LSAMP: variants seen among roughly 807,000 people sequenced by gnomAD.
LSAMP encodes limbic system associated membrane protein.
A neutral mutation model predicts 38.6 loss-of-function variants in LSAMP; 7 were observed. The observed-to-expected ratio is 0.18, with a 90% confidence interval of 0.10 to 0.34. The LOEUF (loss-of-function observed/expected upper bound fraction) is 0.34, where lower values mean the gene tolerates loss of function less well. LSAMP is among the 10% of genes least tolerant of loss of function. LSAMP has a pLI of 1.00. For synonymous variants in LSAMP, 154 were observed against 166.8 expected (o/e 0.92, Z 0.59); for missense variants, 313 against 420.0 (o/e 0.75, Z 2.23).
At chr3:116,303,472 C>CT (rs542338761) in intron 1 of LSAMP, among the ~76,000 whole-genome samples, 5 of 152,150 alleles carry the variant, frequency 3.3e-5, no homozygotes, top group South Asian at 4.1e-4. Context: ...TTTTTCTATT[C>CT]TTTTTTTGGA....
chr3:116,319,671 C>G (rs1295477187), intron 1 of LSAMP, among the ~76,000 whole-genome samples: 1 of 152,166 alleles, frequency 6.6e-6, no homozygotes, highest in East Asian at 1.9e-4. Flanking sequence ...CGGCACCTCT[C>G]TAAAGGTCAG....
At chr3:116,032,533 C>A (rs1479455722) in intron 2 of LSAMP, among the ~76,000 whole-genome samples, 1 of 152,136 alleles carries the variant, frequency 6.6e-6, no homozygotes, top group Non-Finnish European at 1.5e-5. Context: ...ACTGACCAGG[C>A]ATGGTGGCTT....
chr3:116,011,829 CCTGAA>C (rs1443487443), intron 3 of LSAMP, among the ~76,000 whole-genome samples: 2 of 152,152 alleles, frequency 1.3e-5, no homozygotes, highest in Non-Finnish European at 2.9e-5. Context: ...TATTTCCTTC[CCTGAA>C]CATCTCTTGG....
rs185042505 is a variant in LSAMP at position 115,894,408 on chromosome 3, C to T, written c.515-41791G>A. Among the ~76,000 whole-genome samples the T allele has an allele frequency of 7.0e-3, 1,059 of 152,146 alleles. 15 individuals carry two copies. Among genetic ancestry groups the T allele is most frequent in the Non-Finnish European group, 7.5e-3 (509 of 67,980 alleles). ...ATGAACTGGCCCAAGACCCTCGGTA[C>T]TCTCTGGATGAAGGAATACTCTTCT... On this transcript the variant is annotated intron_variant, in intron 3 of 6. Coordinates refer to ENST00000490035, the MANE Select transcript of LSAMP (RefSeq NM_002338.5).
chr3:116,069,658 TAAATG>T (rs1244972163), intron 2 of LSAMP, among the ~76,000 whole-genome samples: 1 of 152,076 alleles, frequency 6.6e-6, no homozygotes, highest in African/African-American at 2.4e-5. Context: ...AAAGAAGAGA[TAAATG>T]GAATGGAGAT....
At chr3:116,400,826 T>C (rs2048830509) in intron 1 of LSAMP, among the ~76,000 whole-genome samples, 1 of 152,162 alleles carries the variant, frequency 6.6e-6, no homozygotes, top group Admixed American at 6.5e-5. Context: ...TGCATTTTTT[T>C]CCACATTCTA....
intron 3 of LSAMP, among the ~76,000 whole-genome samples, chr3:115,962,799 T>C (rs1230370372): frequency 6.6e-6 from 1 of 152,158 alleles, no homozygotes; most frequent in Admixed American, 6.5e-5. Flanking sequence ...GCCCTTTGGA[T>C]TTCAGCACAT....
intron 1 of LSAMP, among the ~76,000 whole-genome samples, chr3:116,277,000 C>G (rs2047063966): frequency 6.6e-6 from 1 of 152,104 alleles, no homozygotes; most frequent in South Asian, 2.1e-4. Flanking sequence ...AGCGAGTACA[C>G]ATGGAGCAGA....
At chr3:115,909,164 C>A (rs370598772) in intron 3 of LSAMP, among the ~76,000 whole-genome samples, 2 of 152,200 alleles carry the variant, frequency 1.3e-5, no homozygotes, top group Non-Finnish European at 2.9e-5. Flanking sequence ...GCTCCTCCTG[C>A]ATCCTTAGCT....
chr3:116,176,872 C>G (rs1387853703), intron 1 of LSAMP, among the ~76,000 whole-genome samples: 1 of 152,020 alleles, frequency 6.6e-6, no homozygotes, highest in South Asian at 2.1e-4. Flanking sequence ...AAAAAGCTTC[C>G]AATAATCGAA....
At chr3:116,400,436 CTCCTTCCT>C (rs1180610698) in intron 1 of LSAMP, among the ~76,000 whole-genome samples, 1 of 147,452 alleles carries the variant, frequency 6.8e-6, no homozygotes, top group Admixed American at 6.8e-5. Context: ...CCCTCCCTCC[CTCCTTCCT>C]TCCTTCCTTC....
chr3:116,095,249 A>G (rs1708201173), intron 1 of LSAMP, among the ~76,000 whole-genome samples: 1 of 152,186 alleles, frequency 6.6e-6, no homozygotes, highest in African/African-American at 2.4e-5. Flanking sequence ...CATCACCTGA[A>G]AGTGCAAAAG....
At chr3:116,348,938 A>T (rs1482286635) in intron 1 of LSAMP, among the ~76,000 whole-genome samples, 1 of 152,140 alleles carries the variant, frequency 6.6e-6, no homozygotes, top group Non-Finnish European at 1.5e-5. Flanking sequence ...CTACTTTTGT[A>T]ATCTGTATAA....
chr3:116,392,222 G>A (rs2048711425), intron 1 of LSAMP, among the ~76,000 whole-genome samples: 1 of 152,140 alleles, frequency 6.6e-6, no homozygotes, highest in Admixed American at 6.5e-5. Context: ...TGGTGGAGTG[G>A]GAACTCTCCA....
chr3:116,439,747 G>A (rs1366937944), intron 1 of LSAMP, among the ~76,000 whole-genome samples: 2 of 152,098 alleles, frequency 1.3e-5, no homozygotes, highest in Non-Finnish European at 2.9e-5. Flanking sequence ...TTTTTGAGAC[G>A]GAGTCTCGCT....
intron 1 of LSAMP, among the ~76,000 whole-genome samples, chr3:116,392,002 G>T (rs2048707119): frequency 6.6e-6 from 1 of 152,196 alleles, no homozygotes; most frequent in African/African-American, 2.4e-5. Context: ...CCATGGGCAG[G>T]GCCATGAGCC....
At chr3:116,109,076 A>G (rs377484876) in intron 1 of LSAMP, among the ~76,000 whole-genome samples, 6 of 152,222 alleles carry the variant, frequency 3.9e-5, no homozygotes, top group African/African-American at 9.6e-5. Flanking sequence ...GCTGTAAAGC[A>G]TCTCAGGGTT....
chr3:116,002,466 C>A (rs181651498), intron 3 of LSAMP, among the ~76,000 whole-genome samples: 2 of 152,226 alleles, frequency 1.3e-5, no homozygotes, highest in East Asian at 1.9e-4. Flanking sequence ...CTTTTGAATG[C>A]GCAGTTTTGG....
intron 1 of LSAMP, among the ~76,000 whole-genome samples, chr3:116,101,861 G>T (rs1355355490): frequency 6.6e-6 from 1 of 152,022 alleles, no homozygotes; most frequent in Middle Eastern, 3.2e-3. Flanking sequence ...TTTTGTTAGT[G>T]TCTCTTGACT....
Sources: gnomAD v4.1 joint callset for allele counts (sites outside exome capture counted in the v4.1 genomes callset) on GRCh38, gnomAD v4.1.1 for gene constraint, MANE v1.5 for transcripts, NCBI Gene and HGNC (gene_info 2026-07-23, HGNC 2026-07-21) for gene names.